The following RBPMS variants were observed in gnomAD, a reference collection of about 807,000 sequenced individuals.
RBPMS encodes the protein RNA binding protein, mRNA processing factor.
RBPMS carries 7 observed loss-of-function variants against 26.8 expected under a neutral mutation model. The observed-to-expected ratio is 0.26, with a 90% confidence interval of 0.15 to 0.49. RBPMS has a LOEUF of 0.49. Among genes scored for constraint, RBPMS ranks in the 20% least tolerant of loss-of-function variants. RBPMS has a pLI of 0.98. For missense variants in RBPMS, 186 were observed against 250.0 expected (o/e 0.74, Z 1.73); for synonymous variants, 96 against 93.3 (o/e 1.03, Z -0.17).
At chr8:30,549,256 T>C (rs1444369670) in intron 6 of RBPMS, among the ~76,000 whole-genome samples, 1 of 152,216 alleles carries the variant, frequency 6.6e-6, no homozygotes, top group East Asian at 1.9e-4. Flanking sequence ...TGCTTGCTTC[T>C]GTGAATCTCA....
At chr8:30,518,976 A>C (rs1822694649) in intron 5 of RBPMS, among the ~76,000 whole-genome samples, 3 of 151,978 alleles carry the variant, frequency 2.0e-5, no homozygotes, top group Admixed American at 1.3e-4. Flanking sequence ...AAATTTTATT[A>C]AAAAGTCTCT....
chr8:30,566,348 C>CTGGA lies in RBPMS; in HGVS notation c.*100_*103dup. On this transcript the variant is annotated 3_prime_UTR_variant, in exon 8 of 9. Coordinates refer to ENST00000397323, the MANE Select transcript of RBPMS (RefSeq NM_001008710.3). ...ACTGTTCTCTAGCTGTTCTACAAAA[C>CTGGA]TGGAGCATGCTGGTGAGTAACAGTC... The CTGGA allele has an allele frequency of 1.1e-6, 1 of 918,482 alleles. No individual in the cohort carries two copies. The highest frequency in any genetic ancestry group is 1.3e-6 in the Non-Finnish European group (1 of 791,168). 56.9% of individuals were successfully genotyped at this position (918,482 alleles called of 1,614,324 possible).
chr8:30,553,208 T>G (rs893830949), intron 6 of RBPMS: 2 of 152,368 alleles, frequency 1.3e-5, no homozygotes, highest in Non-Finnish European at 2.9e-5. Flanking sequence ...GGCTGCCGAT[T>G]CTGGGGGGCA....
At chr8:30,435,612 A>C (rs1293309121) in intron 1 of RBPMS, among the ~76,000 whole-genome samples, 2 of 152,212 alleles carry the variant, frequency 1.3e-5, no homozygotes, top group African/African-American at 4.8e-5. Flanking sequence ...TGTTGGTGAT[A>C]TACACAGACA....
intron 1 of RBPMS, among the ~76,000 whole-genome samples, chr8:30,419,449 A>G (rs1041556797): frequency 2.4e-5 from 1 of 41,662 alleles, no homozygotes; most frequent in South Asian, 4.7e-4. Context: ...GCATCTCAAA[A>G]ATGTGTGTGT....
chr8:30,446,881 A>C (rs1328759982), intron 1 of RBPMS: 1 of 149,048 alleles, frequency 6.7e-6, no homozygotes, highest in Non-Finnish European at 1.5e-5. Flanking sequence ...TGGGGTAGAG[A>C]TGGAACTTCA....
intron 1 of RBPMS, among the ~76,000 whole-genome samples, chr8:30,437,122 C>T (rs1206156419): frequency 6.6e-6 from 1 of 151,486 alleles, no homozygotes; most frequent in Non-Finnish European, 1.5e-5. Context: ...GGGGTTTCAC[C>T]GTGTTAGCCA....
chr8:30,524,180 TA>T (rs1254717695), intron 5 of RBPMS, among the ~76,000 whole-genome samples: 1 of 152,178 alleles, frequency 6.6e-6, no homozygotes, highest in Admixed American at 6.5e-5. Flanking sequence ...AAGAGGCACA[TA>T]AGGATTAGTG....
rs182701622 is a variant in RBPMS at position 30,560,335 on chromosome 8, C to T, written c.*7+1379C>T. 2.9e-3 allele frequency among the ~76,000 whole-genome samples: 445 copies of T among 152,076 alleles called. 1 individual carries two copies. Among genetic ancestry groups the T allele is most frequent in the African/African-American group, 0.01 (429 of 41,478 alleles). The stretch of plus-strand genomic sequence containing the variant: ...CGAGTCAGAAGACCCCTTCTGTGTT[C>T]GCAAAGGAGAGGTCTCAGCAGACAG... On this transcript the variant is annotated intron_variant, in intron 7 of 8. Coordinates refer to ENST00000397323, the MANE Select transcript of RBPMS (RefSeq NM_001008710.3).
intron 5 of RBPMS, among the ~76,000 whole-genome samples, chr8:30,521,966 C>T (rs920078881): frequency 2.0e-5 from 3 of 152,098 alleles, no homozygotes; most frequent in African/African-American, 7.2e-5. Flanking sequence ...GAGAAATAAG[C>T]TCAAGAGATC....
At chr8:30,521,353 G>A (rs1052305520) in intron 5 of RBPMS, among the ~76,000 whole-genome samples, 2 of 152,194 alleles carry the variant, frequency 1.3e-5, no homozygotes, top group Non-Finnish European at 2.9e-5. Context: ...GACCAAGACA[G>A]TATGGTTCTG....
At chr8:30,542,839 C>T (rs1825522687) in intron 5 of RBPMS, among the ~76,000 whole-genome samples, 1 of 152,244 alleles carries the variant, frequency 6.6e-6, no homozygotes, top group Non-Finnish European at 1.5e-5. Context: ...TTAAGCCCCT[C>T]CCAGCCCCTC....
At chr8:30,544,917 C>G in intron 6 of RBPMS, 1 of 1,479,662 alleles carries the variant, frequency 6.8e-7, no homozygotes, top group Non-Finnish European at 8.9e-7. Flanking sequence ...CCACCTGGCT[C>G]CCAGCTAGCT....
intron 1 of RBPMS, among the ~76,000 whole-genome samples, chr8:30,393,670 A>G (rs1441714782): frequency 2.0e-5 from 3 of 151,914 alleles, no homozygotes; most frequent in African/African-American, 4.8e-5. Flanking sequence ...GGCACACGCC[A>G]CCACACCTGG....
At chr8:30,408,540 A>G (rs572858598) in intron 1 of RBPMS, among the ~76,000 whole-genome samples, 65 of 152,216 alleles carry the variant, frequency 4.3e-4, no homozygotes, top group Non-Finnish European at 7.9e-4. Flanking sequence ...AACAAAACGA[A>G]CAAAAATCAA....
At chr8:30,478,501 ATT>A (rs199724683) in intron 3 of RBPMS, among the ~76,000 whole-genome samples, 9 of 139,740 alleles carry the variant, frequency 6.4e-5, no homozygotes, top group Middle Eastern at 3.8e-3. Context: ...TAAGAATATG[ATT>A]TTTTTTTTTT....
At position 30,498,142 on chromosome 8, in the gene RBPMS, T is replaced by A. The variant is rs7009977; in HGVS notation, c.247-6144T>A. 3.9e-3 allele frequency among the ~76,000 whole-genome samples: 586 copies of A among 151,842 alleles called. 7 individuals carry two copies. The highest frequency in any genetic ancestry group is 0.014 in the African/African-American group (561 of 41,366). Reference sequence around the variant, plus strand: ...TCTAGTTCAGTACATATGCCTCAGATCTACTGGATCAACAGATCAGAATGG... The same window carrying A: ...TCTAGTTCAGTACATATGCCTCAGAACTACTGGATCAACAGATCAGAATGG... On this transcript the variant is annotated intron_variant, in intron 4 of 8. Transcript: ENST00000397323.
At chr8:30,426,843 A>G (rs1422282759) in intron 1 of RBPMS, among the ~76,000 whole-genome samples, 2 of 150,572 alleles carry the variant, frequency 1.3e-5, no homozygotes, top group African/African-American at 2.5e-5. Context: ...TCCTCCCCAG[A>G]AAACACACAC....
Position 30,384,899 on chromosome 8 carries a change from TCGCAGACTCGCCGCGGGAGCCCCA to T in RBPMS, c.-193_-170del, listed in dbSNP as rs1339365807. On this transcript the variant is annotated 5_prime_UTR_variant, in exon 1 of 9. Transcript: ENST00000397323. The surrounding 1 kb of genome is among the most constrained non-coding windows in gnomAD (Gnocchi z 5.6). ...CTTCCTGAGTCGCCCGCCGCCGCCG[TCGCAGACTCGCCGCGGGAGCCCCA>T]GCCCAACCCGAGCCCGACAGCCACT... The T allele has an allele frequency of 8.4e-6, 3 of 359,052 alleles. No homozygotes were observed. The highest frequency in any genetic ancestry group is 1.5e-5 in the Non-Finnish European group (3 of 204,404). 22.2% of individuals were successfully genotyped at this position (359,052 alleles called of 1,614,324 possible).
Sources: allele counts gnomAD v4.1 joint callset (sites outside exome capture counted in the v4.1 genomes callset), GRCh38; gene constraint gnomAD v4.1.1; non-coding constraint Gnocchi (gnomAD v3.1); transcripts MANE v1.5; gene names NCBI Gene and HGNC (gene_info 2026-07-23, HGNC 2026-07-21).